The following GPR160 variants were observed in gnomAD, a reference collection of about 807,000 sequenced individuals.
GPR160 encodes probable G protein-coupled receptor 160.
A neutral mutation model predicts 2.6 loss-of-function variants in GPR160; 2 were observed. The ratio of observed to expected loss-of-function variants is 0.77; its 90% CI spans 0.32 to 2.44. GPR160 has a LOEUF of 2.44. GPR160 is among the 30% of genes most tolerant of loss of function. The pLI, the probability that GPR160 is intolerant of heterozygous loss-of-function variation, is 0.11. For missense variants in GPR160, 351 were observed against 383.6 expected, an observed-to-expected ratio of 0.91 and a Z score of 0.71; for synonymous variants, 130 against 132.2, an observed-to-expected ratio of 0.98 and a Z score of 0.12.
At chr3:170,070,950 T>C (rs1712559342) in intron 2 of GPR160, among the ~76,000 whole-genome samples, 2 of 152,194 alleles carry the variant, frequency 1.3e-5, no homozygotes, top group African/African-American at 2.4e-5. Context: ...AAAATGTATA[T>C]ACTTGGACCC....
At chr3:170,064,535 T>TC (rs1553768404) in intron 2 of GPR160, among the ~76,000 whole-genome samples, 24 of 128,036 alleles carry the variant, frequency 1.9e-4, no homozygotes, top group Admixed American at 4.5e-4. Context: ...TTTTTTTTTT[T>TC]TGAGGCAGAG....
At chr3:170,054,462 A>G (rs938222868) in intron 2 of GPR160, among the ~76,000 whole-genome samples, 1 of 152,210 alleles carries the variant, frequency 6.6e-6, no homozygotes, top group Admixed American at 6.5e-5. Flanking sequence ...TCATTATAGT[A>G]AAATATACCT....
chr3:170,044,465 C>G (rs1393719375), intron 2 of GPR160, among the ~76,000 whole-genome samples: 1 of 152,014 alleles, frequency 6.6e-6, no homozygotes, highest in Non-Finnish European at 1.5e-5. Flanking sequence ...TGCCTATTTT[C>G]TCACTTATAA....
intron 2 of GPR160, among the ~76,000 whole-genome samples, chr3:170,045,920 T>C (rs1018618960): frequency 1.3e-5 from 2 of 152,210 alleles, no homozygotes; most frequent in African/African-American, 2.4e-5. Context: ...GTTTCCCCTA[T>C]GTAAGCTAGA....
At chr3:170,040,075 G>T in intron 2 of GPR160, among the ~76,000 whole-genome samples, 1 of 152,170 alleles carries the variant, frequency 6.6e-6, no homozygotes, top group East Asian at 1.9e-4. Context: ...CCTAATGCAT[G>T]CAGGGCTTAA....
intron 2 of GPR160, among the ~76,000 whole-genome samples, chr3:170,079,451 G>A (rs1482926430): frequency 6.6e-6 from 1 of 152,180 alleles, no homozygotes; most frequent in African/African-American, 2.4e-5. Context: ...ATGTTAACAT[G>A]CATCAAGGGT....
intron 2 of GPR160, among the ~76,000 whole-genome samples, chr3:170,049,568 T>G (rs1000739562): frequency 2.0e-5 from 3 of 152,200 alleles, no homozygotes; most frequent in Non-Finnish European, 4.4e-5. Flanking sequence ...CATGGTGCCC[T>G]CCCAGACACT....
At chr3:170,045,246 G>A (rs1290120146) in intron 2 of GPR160, among the ~76,000 whole-genome samples, 1 of 151,734 alleles carries the variant, frequency 6.6e-6, no homozygotes, top group Non-Finnish European at 1.5e-5. Context: ...AGGGCTCCAA[G>A]TGGAACAGCT....
At chr3:170,064,512 T>TC (rs1712193671) in intron 2 of GPR160, among the ~76,000 whole-genome samples, 2 of 112,376 alleles carry the variant, frequency 1.8e-5, no homozygotes, top group Non-Finnish European at 3.9e-5. Context: ...TTCTTTTCTT[T>TC]TCTTTTTTTT....
chr3:170,056,362 T>G (rs1350239331), intron 2 of GPR160, among the ~76,000 whole-genome samples: 2 of 152,236 alleles, frequency 1.3e-5, no homozygotes, highest in African/African-American at 4.8e-5. Context: ...TGTGTCAGTG[T>G]AACCTGATTT....
chr3:170,078,159 C>G (rs1712959124), intron 2 of GPR160, among the ~76,000 whole-genome samples: 1 of 152,128 alleles, frequency 6.6e-6, no homozygotes, highest in African/African-American at 2.4e-5. Flanking sequence ...GAAGAAGGCA[C>G]GTTAGACCTA....
At chr3:170,039,539 C>A (rs1473591032) in intron 2 of GPR160, among the ~76,000 whole-genome samples, 1 of 152,146 alleles carries the variant, frequency 6.6e-6, no homozygotes, top group Non-Finnish European at 1.5e-5. Flanking sequence ...TGAAACCCTT[C>A]TCTACTAAAA....
At position 170,084,139 on chromosome 3, in the gene GPR160, A is replaced by C. The variant is rs1440995882; in HGVS notation, c.167A>C (p.Glu56Ala). 1.3e-6 allele frequency: 2 copies of C among 1,592,672 alleles called. No homozygotes were observed. Among genetic ancestry groups the C allele is most frequent in the African/African-American group, 2.7e-5 (2 of 73,768 alleles). The change falls in exon 4 of 4, where the codon GAA becomes GCA. Residue 56 changes from glutamate to alanine, a missense_variant. Coordinates refer to ENST00000355897, the MANE Select transcript of GPR160 (RefSeq NM_014373.3). Reference protein sequence around the residue: ...RRKNTCQNFMEYFCISLAFVD... With the variant: ...RRKNTCQNFMAYFCISLAFVD... ...AAAAACACCTGTCAAAATTTTATGG[A>C]ATATTTTTGCATTTCACTAGCATTC... is the stretch of plus-strand genomic sequence containing the variant.
intron 2 of GPR160, among the ~76,000 whole-genome samples, chr3:170,048,471 T>G (rs9861949): frequency 1.3e-5 from 2 of 152,206 alleles, no homozygotes; most frequent in African/African-American, 4.8e-5. Flanking sequence ...TAAATGTTTT[T>G]AATGACTGCA....
intron 2 of GPR160, chr3:170,063,018 T>A: frequency 5.0e-6 from 1 of 199,402 alleles, no homozygotes; most frequent in South Asian, 9.8e-5. Flanking sequence ...GCCACCGCAC[T>A]CCATCCTGGG....
At chr3:170,060,103 C>A (rs1293625965) in intron 2 of GPR160, among the ~76,000 whole-genome samples, 1 of 151,762 alleles carries the variant, frequency 6.6e-6, no homozygotes, top group Non-Finnish European at 1.5e-5. Context: ...TACAACGTGC[C>A]AAAGCGGGCA....
In GPR160 at chr3:170,084,075, A is replaced by G; in HGVS notation, c.103A>G (p.Lys35Glu). 6.3e-7 allele frequency: 1 copy of G among 1,590,880 alleles called. No individual in the cohort carries two copies. ...TCTGCTATTCTTGATCATACTTGGG[A>G]AAATATTATTAAATATCCTTACACT... is the stretch of plus-strand genomic sequence containing the variant. ...NYLLFLIILG[K>E]ILLNILTLGM... Residue 35 changes from lysine to glutamate, a missense_variant, in exon 4 of 4, where the codon AAA (lysine) becomes GAA (glutamate). Lys to Glu is a moderately conservative substitution (Grantham distance 56, BLOSUM62 1). Coordinates refer to ENST00000355897, the MANE Select transcript of GPR160 (RefSeq NM_014373.3).
chr3:170,077,332 C>T (rs1712905400), intron 2 of GPR160: 1 of 151,656 alleles, frequency 6.6e-6, no homozygotes, highest in Non-Finnish European at 1.5e-5. Flanking sequence ...TTTTTTTTTA[C>T]TTTCCAACTC....
At position 170,071,637 on chromosome 3, in the gene GPR160, C is replaced by CAA. The variant is rs149655088; in HGVS notation, c.-192-8129_-192-8128dup. On this transcript the variant is annotated intron_variant, in intron 2 of 3. Coordinates refer to ENST00000355897, the MANE Select transcript of GPR160 (RefSeq NM_014373.3). ...CAAAACCCCGTCTCTACTAAAAATA[C>CAA]AAAAAAAAATTAGCCGGGCATGGTG... Among the ~76,000 whole-genome samples the CAA allele has an allele frequency of 9.3e-5, 14 of 151,030 alleles. No individual in the cohort carries two copies. In the East Asian group the frequency reaches 1.4e-3, roughly 15 times the overall value.
Sources: allele counts gnomAD v4.1 joint callset (sites outside exome capture counted in the v4.1 genomes callset), GRCh38; gene constraint gnomAD v4.1.1; transcripts MANE v1.5; gene names NCBI Gene and HGNC (gene_info 2026-07-23, HGNC 2026-07-21).